CELF2: variants seen among roughly 807,000 people sequenced by gnomAD.
CELF2 encodes the protein CUG triplet repeat RNA-binding protein 2.
A neutral mutation model predicts 62.6 loss-of-function variants in CELF2; 8 were observed. The ratio of observed to expected loss-of-function variants is 0.13; its 90% confidence interval spans 0.07 to 0.23. The LOEUF (loss-of-function observed/expected upper bound fraction) is 0.23. CELF2 is among the 10% of genes least tolerant of loss of function. The pLI, the probability that CELF2 is intolerant of heterozygous loss-of-function variation, is 1.00. For synonymous variants in CELF2, 258 were observed against 250.0 expected, an observed-to-expected ratio of 1.03 and a Z score of -0.30; for missense variants, 333 against 671.0, an observed-to-expected ratio of 0.50 and a Z score of 5.56.
At chr10:11,040,138 T>C (rs1185350477) in intron 1 of CELF2, among the ~76,000 whole-genome samples, 1 of 152,126 alleles carries the variant, frequency 6.6e-6, no homozygotes, top group Non-Finnish European at 1.5e-5. Flanking sequence ...AGGAGGAAGT[T>C]CAAGAATTCT....
chr10:10,652,123 C>T, the CELF2 span, among the ~76,000 whole-genome samples: 6 of 109,082 alleles, frequency 5.5e-5, no homozygotes, highest in African/African-American at 1.0e-4. Context: ...AGGGTATCAG[C>T]GATGGAAGAT....
rs1274940857 is a variant in CELF2 at position 11,098,879 on chromosome 10, CCT to C, written c.75-66601_75-66600del. Among the ~76,000 whole-genome samples the C allele has an allele frequency of 1.3e-5, 2 of 152,182 alleles. No individual in the cohort carries two copies. The highest frequency in any genetic ancestry group is 4.8e-5 in the African/African-American group (2 of 41,430). ...CACGCGTGAGAGCAGCTTCCCCGAA[CCT>C]CTCTCATCCCCTCAGTTTGGGCACA... is the stretch of plus-strand genomic sequence containing the variant. On this transcript the variant is annotated intron_variant, in intron 1 of 12. Transcript: ENST00000633077. This position sits in a 1 kb window ranked among gnomAD's most constrained non-coding sequence, Gnocchi z 4.0.
the CELF2 span, among the ~76,000 whole-genome samples, chr10:10,648,242 C>T: frequency 6.6e-6 from 1 of 152,162 alleles, no homozygotes; most frequent in Non-Finnish European, 1.5e-5. Flanking sequence ...TCTATATCAA[C>T]ATCCAGCATC....
chr10:10,779,220 A>T, the CELF2 span, among the ~76,000 whole-genome samples: 10 of 152,186 alleles, frequency 6.6e-5, no homozygotes, highest in Admixed American at 6.5e-4. Flanking sequence ...TCCAAGGTTT[A>T]AAGAATAGTT....
At chr10:10,612,319 T>A in the CELF2 span, among the ~76,000 whole-genome samples, 2 of 152,236 alleles carry the variant, frequency 1.3e-5, no homozygotes, top group African/African-American at 4.8e-5. Flanking sequence ...CTATAGATTG[T>A]GTGAAAAGGA....
rs542584492 is a variant in CELF2 at position 10,817,469 on chromosome 10, C to T, written c.53+18652C>T. Among the ~76,000 whole-genome samples the T allele has an allele frequency of 2.0e-5, 3 of 152,278 alleles. No homozygotes were observed. The South Asian group carries it at 6.2e-4, about 32-fold the overall frequency. Reference sequence around the variant, plus strand: ...TAACCATCCCCAGCTTCCCCCAACCCCCGCATTACGCTTCCCAGCCTCTGG... The same window carrying T: ...TAACCATCCCCAGCTTCCCCCAACCTCCGCATTACGCTTCCCAGCCTCTGG... On this transcript the variant is annotated intron_variant, in intron 1 of 13. Coordinates refer to the CELF2 transcript ENST00000636488.
chr10:10,727,775 C>CAA, the CELF2 span, among the ~76,000 whole-genome samples: 1 of 139,132 alleles, frequency 7.2e-6, no homozygotes, highest in African/African-American at 2.7e-5. Context: ...GACTCTGTCT[C>CAA]AAAAAAAAAA....
intron 1 of CELF2, among the ~76,000 whole-genome samples, chr10:10,900,307 A>G (rs1425203424): frequency 6.6e-6 from 1 of 152,236 alleles, no homozygotes; most frequent in Non-Finnish European, 1.5e-5. Flanking sequence ...CCTGGTGAAC[A>G]TAGATGTAAA....
chr10:10,751,659 C>T, the CELF2 span, among the ~76,000 whole-genome samples: 1 of 152,132 alleles, frequency 6.6e-6, no homozygotes, highest in Non-Finnish European at 1.5e-5. Context: ...CATGACTAAG[C>T]TTTTGTTCAT....
intron 1 of CELF2, among the ~76,000 whole-genome samples, chr10:10,821,523 T>G (rs2056962945): frequency 6.6e-6 from 1 of 152,216 alleles, no homozygotes; most frequent in Admixed American, 6.5e-5. Flanking sequence ...CTTCTTGTCT[T>G]CCTGCTTCCG....
At chr10:11,232,590 GT>G (rs1382587834) in intron 3 of CELF2, among the ~76,000 whole-genome samples, 1 of 152,198 alleles carries the variant, frequency 6.6e-6, no homozygotes, top group Non-Finnish European at 1.5e-5. Context: ...TGCTGAAGAT[GT>G]TTGAGTTCTT....
chr10:10,616,070 A>T, the CELF2 span, among the ~76,000 whole-genome samples: 1 of 152,122 alleles, frequency 6.6e-6, no homozygotes, highest in Admixed American at 6.6e-5. Flanking sequence ...AAACAGAAAC[A>T]TAAGATAAGG....
intron 1 of CELF2, among the ~76,000 whole-genome samples, chr10:11,056,375 T>C (rs938656009): frequency 2.6e-5 from 4 of 152,278 alleles, no homozygotes; most frequent in Non-Finnish European, 5.9e-5. Context: ...AATAGGTGCC[T>C]AATAGCTTGC....
At chr10:10,876,146 C>T (rs2061074380) in intron 1 of CELF2, among the ~76,000 whole-genome samples, 1 of 152,152 alleles carries the variant, frequency 6.6e-6, no homozygotes, top group Admixed American at 6.5e-5. Flanking sequence ...GAGGCTTATT[C>T]TAATCCCAGG....
intron 2 of CELF2, among the ~76,000 whole-genome samples, chr10:11,172,205 C>G (rs2069119400): frequency 6.6e-6 from 1 of 152,150 alleles, no homozygotes; most frequent in Non-Finnish European, 1.5e-5. Flanking sequence ...AAGGGCATCT[C>G]ATCCTGAATT....
At chr10:10,571,349 C>G in the CELF2 span, among the ~76,000 whole-genome samples, 2 of 152,038 alleles carry the variant, frequency 1.3e-5, no homozygotes, top group East Asian at 3.9e-4. Context: ...GAAGGCACTG[C>G]AAGAAAGATA....
At chr10:10,595,963 G>A in the CELF2 span, among the ~76,000 whole-genome samples, 1 of 152,076 alleles carries the variant, frequency 6.6e-6, no homozygotes, top group East Asian at 1.9e-4. Flanking sequence ...CTGCCTATGG[G>A]GTCACTCTGA....
chr10:10,486,462 T>G, the CELF2 span, among the ~76,000 whole-genome samples: 2 of 152,324 alleles, frequency 1.3e-5, no homozygotes, highest in Non-Finnish European at 2.9e-5. Context: ...CTTTTACATT[T>G]TACACCATTG....
intron 1 of CELF2, among the ~76,000 whole-genome samples, chr10:11,049,533 T>G (rs990576130): frequency 6.9e-6 from 1 of 145,216 alleles, no homozygotes; most frequent in Non-Finnish European, 1.5e-5. Context: ...TCTCCCAACT[T>G]ATTTGTTCCT....
Sources: gnomAD v4.1 joint callset for allele counts (sites outside exome capture counted in the v4.1 genomes callset) on GRCh38, gnomAD v4.1.1 for gene constraint, Gnocchi (gnomAD v3.1) non-coding constraint, MANE v1.5 for transcripts, NCBI Gene and HGNC (gene_info 2026-07-23, HGNC 2026-07-21) for gene names.